Variants in RNF217 observed in about 807,000 individuals in gnomAD.
RNF217 encodes the protein ring finger protein 217, also known as E3 ubiquitin-protein ligase RNF217.
RNF217 carries 31 observed loss-of-function variants against 57.8 expected under a neutral mutation model. That is an observed-to-expected ratio of 0.54 (90% CI 0.40 to 0.72). RNF217 has a LOEUF of 0.72. RNF217 is among the 30% of genes least tolerant of loss of function. The pLI, the probability that RNF217 is intolerant of heterozygous loss-of-function variation, is 0.00. For synonymous variants in RNF217, 313 were observed against 294.0 expected (o/e 1.06, Z -0.66); for missense variants, 696 against 708.3 (o/e 0.98, Z 0.20).
intron 1 of RNF217, among the ~76,000 whole-genome samples, chr6:124,981,593 C>G (rs749868149): frequency 1.1e-4 from 17 of 152,146 alleles, no homozygotes; most frequent in African/African-American, 2.4e-5. Context: ...TTTACATAAA[C>G]AGCAAGGCAG....
intron 3 of RNF217, among the ~76,000 whole-genome samples, chr6:125,071,180 T>A (rs1210656762): frequency 1.3e-5 from 2 of 152,210 alleles, no homozygotes; most frequent in Admixed American, 1.3e-4. Context: ...TGGTCTGACA[T>A]GATTTCGACT....
intron 1 of RNF217, among the ~76,000 whole-genome samples, chr6:124,994,757 A>G (rs1176514086): frequency 2.0e-5 from 3 of 152,188 alleles, no homozygotes; most frequent in Non-Finnish European, 4.4e-5. Flanking sequence ...TATATTTCCA[A>G]CTATGCTTTC....
At chr6:125,081,028 A>G (rs1788554199) in intron 4 of RNF217, among the ~76,000 whole-genome samples, 1 of 152,022 alleles carries the variant, frequency 6.6e-6, no homozygotes, top group Non-Finnish European at 1.5e-5. Context: ...CCAGCTCTCC[A>G]TGTTATGAGG....
intron 1 of RNF217, among the ~76,000 whole-genome samples, chr6:125,037,414 T>C (rs1786682110): frequency 6.6e-6 from 1 of 152,188 alleles, no homozygotes; most frequent in Admixed American, 6.6e-5. Flanking sequence ...ACTGTGTGTT[T>C]GGTATTGATC....
At chr6:125,012,189 T>C (rs1785439609) in intron 1 of RNF217, among the ~76,000 whole-genome samples, 1 of 152,186 alleles carries the variant, frequency 6.6e-6, no homozygotes, top group African/African-American at 2.4e-5. Flanking sequence ...TGAAGCACTT[T>C]AAATGTTTCC....
At chr6:125,049,115 G>T (rs141088533) in intron 2 of RNF217, among the ~76,000 whole-genome samples, 3 of 151,972 alleles carry the variant, frequency 2.0e-5, no homozygotes, top group African/African-American at 4.8e-5. Flanking sequence ...AACCTGAATA[G>T]TTCCTGTAAT....
At chr6:124,966,811 A>G (rs1783559645) in intron 1 of RNF217, among the ~76,000 whole-genome samples, 1 of 152,248 alleles carries the variant, frequency 6.6e-6, no homozygotes, top group Admixed American at 6.5e-5. Context: ...AATCTGTGAC[A>G]AAGGCCAATT....
In RNF217 at chr6:124,970,398, A is replaced by G. The variant is rs142636568; in HGVS notation, c.882+6972A>G. 2.4e-3 allele frequency among the ~76,000 whole-genome samples: 361 copies of G among 152,312 alleles called. 2 individuals are homozygous for G. The highest frequency in any genetic ancestry group is 8.0e-3 in the African/African-American group (334 of 41,582). ...TGAAGTTAGAACTGACAGAATGCCA[A>G]TGATTGCACATGGGATGAGAGAAAA... On this transcript the variant is annotated intron_variant, in intron 1 of 5. Coordinates refer to ENST00000521654, the MANE Select transcript of RNF217 (RefSeq NM_001286398.3).
intron 1 of RNF217, among the ~76,000 whole-genome samples, chr6:124,997,982 G>A (rs529663381): frequency 2.6e-5 from 4 of 152,180 alleles, no homozygotes; most frequent in South Asian, 4.1e-4. Flanking sequence ...GCCTGACTCC[G>A]GCATTCCTTT....
chr6:124,974,829 C>T (rs1231042975), intron 1 of RNF217, among the ~76,000 whole-genome samples: 3 of 152,136 alleles, frequency 2.0e-5, no homozygotes, highest in Non-Finnish European at 4.4e-5. Flanking sequence ...GTGATGTTAT[C>T]GTGTGATTCG....
At chr6:125,008,958 G>A (rs1379722102) in intron 1 of RNF217, 1 of 231,578 alleles carries the variant, frequency 4.3e-6, no homozygotes, top group Non-Finnish European at 8.3e-6. Context: ...CAGTAGCATT[G>A]TTATCATAAA....
At chr6:125,072,114 C>G (rs776254938) in intron 3 of RNF217, among the ~76,000 whole-genome samples, 8 of 152,120 alleles carry the variant, frequency 5.3e-5, no homozygotes, top group Non-Finnish European at 1.0e-4. Context: ...AATTCATCAG[C>G]ATAAGAAATG....
At chr6:125,043,787 GTGTT>G (rs781764932) in intron 1 of RNF217, among the ~76,000 whole-genome samples, 79 of 152,128 alleles carry the variant, frequency 5.2e-4, no homozygotes, top group Middle Eastern at 3.4e-3. Context: ...ATAGAAAAAA[GTGTT>G]TGGGCACATA....
chr6:125,046,474 C>A, intron 2 of RNF217: 1 of 411,572 alleles, frequency 2.4e-6, no homozygotes, highest in South Asian at 1.8e-5. Context: ...GTGCCCCAGG[C>A]CCACCCCAGA....
At chr6:125,026,078 G>A (rs1304366474) in intron 1 of RNF217, among the ~76,000 whole-genome samples, 1 of 152,092 alleles carries the variant, frequency 6.6e-6, no homozygotes, top group African/African-American at 2.4e-5. Context: ...CAGCACTGAG[G>A]GAGATGAAAG....
At chr6:125,053,699 G>A (rs111906649) in intron 2 of RNF217, among the ~76,000 whole-genome samples, 4 of 152,106 alleles carry the variant, frequency 2.6e-5, no homozygotes, top group Non-Finnish European at 4.4e-5. Flanking sequence ...GTGAGTCGGC[G>A]TACTTTCATC....
At chr6:125,006,601 C>T (rs547917430) in intron 1 of RNF217, among the ~76,000 whole-genome samples, 80 of 152,268 alleles carry the variant, frequency 5.3e-4, no homozygotes, top group African/African-American at 1.9e-3. Flanking sequence ...ACCTAATAGT[C>T]TCCTATCAGT....
chr6:125,000,534 C>CAA (rs1344022936), intron 1 of RNF217, among the ~76,000 whole-genome samples: 8 of 151,908 alleles, frequency 5.3e-5, no homozygotes, highest in African/African-American at 1.9e-4. Context: ...AAAACAACTA[C>CAA]TGATTCATCC....
chr6:125,007,445 C>T (rs1785233596), intron 1 of RNF217, among the ~76,000 whole-genome samples: 2 of 152,044 alleles, frequency 1.3e-5, no homozygotes, highest in South Asian at 4.1e-4. Flanking sequence ...CAGGTTTTCT[C>T]CATGTTGGTC....
Sources: gnomAD v4.1 joint callset for allele counts (sites outside exome capture counted in the v4.1 genomes callset) on GRCh38, gnomAD v4.1.1 for gene constraint, MANE v1.5 for transcripts, NCBI Gene and HGNC (gene_info 2026-07-23, HGNC 2026-07-21) for gene names.